Variants in HSD17B6 observed in about 807,000 individuals in gnomAD.
HSD17B6 encodes the protein 17-beta-hydroxysteroid dehydrogenase type 6.
HSD17B6 carries 16 observed loss-of-function variants against 26.4 expected under a neutral mutation model. That is an observed-to-expected ratio of 0.61 (90% CI 0.41 to 0.92). HSD17B6 has a LOEUF of 0.92. Ranked by LOEUF, HSD17B6 falls within the 40% of genes least tolerant of loss-of-function variation. The pLI is 0.00. For synonymous variants in HSD17B6, 139 were observed against 153.0 expected (o/e 0.91, Z 0.68); for missense variants, 357 against 386.1 (o/e 0.92, Z 0.63).
At chr12:56,765,665 CCAT>C (rs1163192223) in intron 1 of HSD17B6, among the ~76,000 whole-genome samples, 1 of 151,510 alleles carries the variant, frequency 6.6e-6, no homozygotes, top group Non-Finnish European at 1.5e-5. Context: ...GCACTCCCCA[CCAT>C]GCCTGCCTAG....
In HSD17B6 at chr12:56,782,242, G is replaced by A; in HGVS notation, c.572+10G>A. 4.3e-6 allele frequency: 7 copies of A among 1,611,284 alleles called. No homozygotes were observed. The highest frequency in any genetic ancestry group is 5.9e-6 in the Non-Finnish European group (7 of 1,178,852). On this transcript the variant is annotated intron_variant, in intron 3 of 4. Transcript: ENST00000322165. ...TTTCAGATATTCTGAGGTAACTTAA[G>A]TTAAAACAAAAACAGCTATTGAGCA...
At position 56,773,994 on chromosome 12, in the gene HSD17B6, C is replaced by G. The variant is rs375178982; in HGVS notation, c.142C>G (p.Gln48Glu). ...DSGFGNLLARQLDARGLRVLA... is the reference protein window; with the variant it reads ...DSGFGNLLARELDARGLRVLA... ...GGGCTTTGGGAACCTGCTGGCCAGA[C>G]AGCTGGATGCACGAGGCTTGAGAGT... Residue 48 changes from glutamine (Q) to glutamate (E), a missense_variant, in exon 2 of 5, where the codon CAG becomes GAG. Transcript: ENST00000322165. 2.0e-5 allele frequency: 32 copies of G among 1,613,958 alleles called. No homozygotes were observed. The African/African-American group carries it at 3.5e-4, about 18-fold the overall frequency.
intron 3 of HSD17B6, among the ~76,000 whole-genome samples, chr12:56,783,485 C>T (rs560184731): frequency 0.036 from 5,139 of 142,180 alleles, 351 homozygotes; most frequent in African/African-American, 0.13. Flanking sequence ...GCTGGCCGGG[C>T]GGGGAGCTGA....
At chr12:56,781,933 G>A (rs1309571271) in intron 2 of HSD17B6, 41 bp from the exon 3 acceptor site, 1 of 1,589,118 alleles carries the variant, frequency 6.3e-7, no homozygotes, top group Non-Finnish European at 8.6e-7. Flanking sequence ...GAGTATTTTT[G>A]CCTGAAACCA....
At chr12:56,784,413 G>A (rs1417328024) in intron 3 of HSD17B6, among the ~76,000 whole-genome samples, 1 of 152,212 alleles carries the variant, frequency 6.6e-6, no homozygotes, top group East Asian at 1.9e-4. Flanking sequence ...ACGAGACTCC[G>A]TCTGCAATCC....
intron 2 of HSD17B6, among the ~76,000 whole-genome samples, chr12:56,775,160 A>C (rs1305447893): frequency 2.0e-5 from 3 of 152,212 alleles, no homozygotes; most frequent in Admixed American, 6.6e-5. Context: ...CATTTCCTTA[A>C]CAATGTTTAT....
chr12:56,783,175 T>C (rs1332617518), intron 3 of HSD17B6, among the ~76,000 whole-genome samples: 1 of 150,964 alleles, frequency 6.6e-6, no homozygotes, highest in Non-Finnish European at 1.5e-5. Flanking sequence ...CCAGACGGGG[T>C]GGTGGCCGGG....
intron 1 of HSD17B6, among the ~76,000 whole-genome samples, chr12:56,764,069 A>C (rs111386781): frequency 6.9e-3 from 126 of 18,384 alleles, no homozygotes; most frequent in African/African-American, 0.022. Flanking sequence ...ACCGTGTCTC[A>C]AAAAAAAAAA....
At chr12:56,783,204 C>T in intron 3 of HSD17B6, among the ~76,000 whole-genome samples, 1 of 151,836 alleles carries the variant, frequency 6.6e-6, no homozygotes, top group African/African-American at 2.4e-5. Context: ...CTCCTCACTT[C>T]CCAGTAGGGG....
At chr12:56,765,174 C>T (rs1385780389) in intron 1 of HSD17B6, among the ~76,000 whole-genome samples, 4 of 151,966 alleles carry the variant, frequency 2.6e-5, no homozygotes, top group Non-Finnish European at 5.9e-5. Context: ...CGGTGGCTCA[C>T]GCCTGTAATC....
At chr12:56,779,744 G>A (rs182149232) in intron 2 of HSD17B6, among the ~76,000 whole-genome samples, 1 of 149,050 alleles carries the variant, frequency 6.7e-6, no homozygotes, top group Non-Finnish European at 1.5e-5. Context: ...GTGTATTTCA[G>A]TTCTGTTTTT....
At position 56,768,299 on chromosome 12, in the gene HSD17B6, T is replaced by C. The variant is rs147175737; in HGVS notation, c.-20+4885T>C. Among the ~76,000 whole-genome samples, 3 of 151,880 alleles carry C rather than the reference T, an allele frequency of 2.0e-5. No individual in the cohort carries two copies. The East Asian group carries it at 5.8e-4, about 29-fold the overall frequency. Reference sequence around the variant, plus strand: ...AGGTCCTTGGTGAGCTGTGAGAGAGTTTCCAGAGAGTGATGGGAATGGAAG... The same window carrying C: ...AGGTCCTTGGTGAGCTGTGAGAGAGCTTCCAGAGAGTGATGGGAATGGAAG... On this transcript the variant is annotated intron_variant, in intron 1 of 4. Transcript: ENST00000322165.
chr12:56,778,594 C>T (rs1156295221), intron 2 of HSD17B6, among the ~76,000 whole-genome samples: 1 of 150,046 alleles, frequency 6.7e-6, no homozygotes, highest in Admixed American at 6.6e-5. Flanking sequence ...ACCAATTCTA[C>T]TTTTCTTTCT....
intron 4 of HSD17B6, among the ~76,000 whole-genome samples, chr12:56,786,557 T>G (rs1442848472): frequency 6.6e-6 from 1 of 151,988 alleles, no homozygotes; most frequent in Non-Finnish European, 1.5e-5. Flanking sequence ...GCCATCAGAA[T>G]TGAGTTTTGA....
At chr12:56,767,152 T>G (rs1954347214) in intron 1 of HSD17B6, among the ~76,000 whole-genome samples, 1 of 152,094 alleles carries the variant, frequency 6.6e-6, no homozygotes, top group African/African-American at 2.4e-5. Context: ...TGTTTCACCT[T>G]GGAAAAGTCA....
intron 1 of HSD17B6, among the ~76,000 whole-genome samples, chr12:56,769,882 C>CT (rs5798394): frequency 0.57 from 87,256 of 151,988 alleles, 26,308 homozygotes; most frequent in South Asian, 0.74. Context: ...TGCAGGTCTT[C>CT]TTGCTGCTAG....
At chr12:56,774,846 G>C (rs1034636767) in intron 2 of HSD17B6, among the ~76,000 whole-genome samples, 2 of 152,238 alleles carry the variant, frequency 1.3e-5, no homozygotes, top group Non-Finnish European at 2.9e-5. Context: ...ATGGGGAGTG[G>C]CTGTAAATAC....
At chr12:56,782,978 G>C (rs1954758965) in intron 3 of HSD17B6, among the ~76,000 whole-genome samples, 1 of 152,194 alleles carries the variant, frequency 6.6e-6, no homozygotes, top group South Asian at 2.1e-4. Context: ...AGATCAACAG[G>C]ATCCCAAGGC....
At chr12:56,780,995 T>C (rs994565926) in intron 2 of HSD17B6, among the ~76,000 whole-genome samples, 4 of 152,166 alleles carry the variant, frequency 2.6e-5, no homozygotes, top group Non-Finnish European at 5.9e-5. Flanking sequence ...CAGTATACTC[T>C]CATGGCAAAT....
Sources: gnomAD v4.1 joint callset for allele counts (sites outside exome capture counted in the v4.1 genomes callset) on GRCh38, gnomAD v4.1.1 for gene constraint, MANE v1.5 for transcripts, NCBI Gene and HGNC (gene_info 2026-07-23, HGNC 2026-07-21) for gene names.